Variants in GRIN3A observed in about 807,000 individuals in gnomAD.
GRIN3A encodes the protein glutamate ionotropic receptor NMDA type subunit 3A.
Under a neutral mutation model 92.4 loss-of-function variants are expected in GRIN3A, and 47 were observed. That is an observed-to-expected ratio of 0.51 (90% CI 0.40 to 0.65). GRIN3A has a LOEUF of 0.65. GRIN3A is among the 30% of genes least tolerant of loss of function. The pLI is 0.00. For missense variants in GRIN3A, 1,324 were observed against 1,393.1 expected, an observed-to-expected ratio of 0.95 and a Z score of 0.79; for synonymous variants, 527 against 540.6, an observed-to-expected ratio of 0.97 and a Z score of 0.35.
intron 3 of GRIN3A, among the ~76,000 whole-genome samples, chr9:101,630,869 T>C (rs1429553563): frequency 1.3e-5 from 2 of 152,234 alleles, no homozygotes; most frequent in African/African-American, 2.4e-5. Flanking sequence ...CAGTTACCTA[T>C]CACGACCTTT....
intron 1 of GRIN3A, among the ~76,000 whole-genome samples, chr9:101,725,216 T>G (rs1005228666): frequency 6.6e-6 from 1 of 152,202 alleles, no homozygotes. Flanking sequence ...GGGAATGGCA[T>G]GAAGCTCAGG....
At chr9:101,574,181 T>C (rs1268818568) in intron 8 of GRIN3A, among the ~76,000 whole-genome samples, 2 of 152,150 alleles carry the variant, frequency 1.3e-5, no homozygotes, top group African/African-American at 2.4e-5. Flanking sequence ...AGAAAGCAAT[T>C]TGCAATCCTG....
chr9:101,581,412 A>G (rs1016680233), intron 6 of GRIN3A, among the ~76,000 whole-genome samples: 3 of 152,214 alleles, frequency 2.0e-5, no homozygotes, highest in African/African-American at 7.2e-5. Flanking sequence ...TCTCAAACTC[A>G]TATGTTTAAA....
intron 7 of GRIN3A, among the ~76,000 whole-genome samples, chr9:101,578,724 C>A (rs1186948164): frequency 6.6e-6 from 1 of 152,208 alleles, no homozygotes; most frequent in African/African-American, 2.4e-5. Flanking sequence ...CAGGAGAGAA[C>A]TGCGGCCTTG....
chr9:101,708,864 C>T (rs1259244982), intron 1 of GRIN3A, among the ~76,000 whole-genome samples: 1 of 152,188 alleles, frequency 6.6e-6, no homozygotes, highest in Non-Finnish European at 1.5e-5. Flanking sequence ...TCGCAGTAAA[C>T]CTCCAACATA....
At chr9:101,619,982 C>T (rs11791809) in intron 5 of GRIN3A, among the ~76,000 whole-genome samples, 20,097 of 152,162 alleles carry the variant, frequency 0.13, 1,379 homozygotes, top group East Asian at 0.23. Context: ...TACTGCGTAC[C>T]GATGAGTACT....
Position 101,579,316 on chromosome 9 carries a change from C to G in GRIN3A, c.2811G>C (p.Leu937=). Residue 937 remains leucine, a synonymous_variant, in exon 7 of 9, where the codon CTG becomes CTC. Transcript: ENST00000361820. The stretch of plus-strand genomic sequence containing the variant: ...TGGACAGACCAAATCCAATGCACAG[C>G]AGCACAAAGAGCCCAGAGAAGTGTT... ...GIKHFSGLFV[L]LCIGFGLSIL... is the part of the protein sequence containing the mutation. 4 of 1,613,982 alleles carry G rather than the reference C, an allele frequency of 2.5e-6. No homozygotes were observed. Among genetic ancestry groups the G allele is most frequent in the Non-Finnish European group, 2.5e-6 (3 of 1,179,916 alleles).
rs1241074703 is a variant in GRIN3A at position 101,727,001 on chromosome 9, CAG to C, written c.699+10278_699+10279del. Among the ~76,000 whole-genome samples, 12 of 152,034 alleles carry C rather than the reference CAG, an allele frequency of 7.9e-5. No individual in the cohort carries two copies. In the South Asian group the frequency reaches 2.5e-3, roughly 32 times the overall value. On this transcript the variant is annotated intron_variant, in intron 1 of 8. Transcript: ENST00000361820. ...TAATCAGTAAAAGACAATGAAAGGA[CAG>C]GGGAAAAAAACAAGGAAAACAATGA...
chr9:101,624,765 G>T, intron 4 of GRIN3A, among the ~76,000 whole-genome samples: 1 of 152,094 alleles, frequency 6.6e-6, no homozygotes, highest in Non-Finnish European at 1.5e-5. Context: ...GGGTCAAATG[G>T]TATTTCTAGT....
At chr9:101,586,896 C>A (rs749064454) in intron 6 of GRIN3A, among the ~76,000 whole-genome samples, 27 of 152,304 alleles carry the variant, frequency 1.8e-4, no homozygotes, top group Admixed American at 3.3e-4. Context: ...ACATAGTCCC[C>A]TAGTTCCTGC....
intron 5 of GRIN3A, among the ~76,000 whole-genome samples, chr9:101,620,489 A>G (rs1340416591): frequency 6.6e-6 from 1 of 152,164 alleles, no homozygotes; most frequent in African/African-American, 2.4e-5. Flanking sequence ...GTGTGTTACT[A>G]CTATATGCAG....
At chr9:101,636,832 C>T (rs1000159872) in intron 3 of GRIN3A, among the ~76,000 whole-genome samples, 1 of 152,196 alleles carries the variant, frequency 6.6e-6, no homozygotes. Context: ...ACCATTTGAA[C>T]AGTGTTGTTT....
In GRIN3A at chr9:101,652,442, A is replaced by G. The variant is rs919792426; in HGVS notation, c.2352+17618T>C. Reference sequence around the variant, plus strand: ...GATTAAGAAAAAAAGGAATGAAGAAAAAAGAGTGTGTTTGAGGTACTCTCC... The same window carrying G: ...GATTAAGAAAAAAAGGAATGAAGAAGAAAGAGTGTGTTTGAGGTACTCTCC... On this transcript the variant is annotated intron_variant, in intron 3 of 8. Coordinates refer to ENST00000361820, the MANE Select transcript of GRIN3A (RefSeq NM_133445.3). 4.6e-5 allele frequency among the ~76,000 whole-genome samples: 7 copies of G among 151,988 alleles called. No individual in the cohort carries two copies. In the South Asian group the frequency reaches 1.5e-3, roughly 32 times the overall value.
At chr9:101,717,067 G>A (rs1829956465) in intron 1 of GRIN3A, among the ~76,000 whole-genome samples, 1 of 152,200 alleles carries the variant, frequency 6.6e-6, no homozygotes, top group Admixed American at 6.5e-5. Flanking sequence ...AGGCATCTGA[G>A]TTGGAGACCT....
chr9:101,671,892 A>G (rs1190339448), intron 2 of GRIN3A, among the ~76,000 whole-genome samples: 2 of 152,168 alleles, frequency 1.3e-5, no homozygotes, highest in East Asian at 3.9e-4. Flanking sequence ...TAAATAATAT[A>G]GTGATTCCTA....
At chr9:101,666,822 T>C (rs1829243579) in intron 3 of GRIN3A, among the ~76,000 whole-genome samples, 1 of 152,018 alleles carries the variant, frequency 6.6e-6, no homozygotes, top group African/African-American at 2.4e-5. Flanking sequence ...GTCCTGCTGA[T>C]TGGAATGCAA....
At chr9:101,647,400 C>T (rs539642231) in intron 3 of GRIN3A, among the ~76,000 whole-genome samples, 38 of 151,532 alleles carry the variant, frequency 2.5e-4, no homozygotes, top group Non-Finnish European at 4.9e-4. Context: ...TTTGATAGCA[C>T]TTTGTTGAGG....
intron 6 of GRIN3A, among the ~76,000 whole-genome samples, chr9:101,607,365 TGAAA>T (rs1366374661): frequency 6.6e-5 from 10 of 151,802 alleles, no homozygotes; most frequent in Non-Finnish European, 1.0e-4. Flanking sequence ...TTTTTCAGAG[TGAAA>T]GAGAGTGTTT....
intron 3 of GRIN3A, among the ~76,000 whole-genome samples, chr9:101,669,388 CT>C (rs1427691673): frequency 6.6e-6 from 1 of 152,076 alleles, no homozygotes; most frequent in East Asian, 1.9e-4. Flanking sequence ...GGTCAGATGT[CT>C]AGGATATCAA....
Sources: allele counts gnomAD v4.1 joint callset (sites outside exome capture counted in the v4.1 genomes callset), GRCh38; gene constraint gnomAD v4.1.1; transcripts MANE v1.5; gene names NCBI Gene and HGNC (gene_info 2026-07-23, HGNC 2026-07-21).